Variants in ARK2C observed in about 807,000 individuals in gnomAD.
ARK2C encodes the protein E3 ubiquitin-protein ligase ARK2C.
At chr18:46,355,249 G>T in the ARK2C span, among the ~76,000 whole-genome samples, 1 of 152,010 alleles carries the variant, frequency 6.6e-6, no homozygotes, top group African/African-American at 2.4e-5. Flanking sequence ...CACCGGGCCC[G>T]GCCTGTTTTA....
chr18:46,450,689 T>C, the ARK2C span: 14 of 1,606,720 alleles, frequency 8.7e-6, no homozygotes, highest in Non-Finnish European at 1.2e-5. Flanking sequence ...CATGTGCACA[T>C]TTTTCTCTTT....
the ARK2C span, chr18:46,433,115 C>G: frequency 2.3e-5 from 27 of 1,184,370 alleles, no homozygotes; most frequent in Non-Finnish European, 3.0e-5. Context: ...CAGGCTGCCC[C>G]GGGTGGGCAC....
the ARK2C span, among the ~76,000 whole-genome samples, chr18:46,393,579 G>A: frequency 1.3e-5 from 2 of 152,096 alleles, no homozygotes; most frequent in Admixed American, 1.3e-4. Flanking sequence ...CCCTTATGCT[G>A]TTTAATCAGC....
chr18:46,357,953 C>T, the ARK2C span, among the ~76,000 whole-genome samples: 2 of 152,138 alleles, frequency 1.3e-5, no homozygotes, highest in African/African-American at 2.4e-5. Context: ...GGCTTGTAGC[C>T]GCATCACTCC....
At chr18:46,407,379 G>T in the ARK2C span, among the ~76,000 whole-genome samples, 1 of 152,000 alleles carries the variant, frequency 6.6e-6, no homozygotes, top group Non-Finnish European at 1.5e-5. Flanking sequence ...GCCCTTTCTT[G>T]CTTGCTCACA....
the ARK2C span, among the ~76,000 whole-genome samples, chr18:46,445,790 G>T: frequency 2.6e-5 from 4 of 152,154 alleles, no homozygotes; most frequent in African/African-American, 9.7e-5. Flanking sequence ...TGAAAACAGA[G>T]ATTTCATATA....
At chr18:46,356,550 G>A in the ARK2C span, among the ~76,000 whole-genome samples, 1 of 152,102 alleles carries the variant, frequency 6.6e-6, no homozygotes. Context: ...CTGTTGTCCT[G>A]GGCAGGCACG....
the ARK2C span, among the ~76,000 whole-genome samples, chr18:46,425,065 C>T: frequency 6.6e-6 from 1 of 152,214 alleles, no homozygotes; most frequent in Admixed American, 6.5e-5. Context: ...TCGGGCCTTC[C>T]CCTCCTTTCT....
chr18:46,339,984 G>C, the ARK2C span, among the ~76,000 whole-genome samples: 8 of 152,170 alleles, frequency 5.3e-5, no homozygotes, highest in Non-Finnish European at 8.8e-5. Context: ...CTGGATCCAA[G>C]GGCAGCAGGG....
chr18:46,435,726 G>A, the ARK2C span, among the ~76,000 whole-genome samples: 5 of 152,204 alleles, frequency 3.3e-5, no homozygotes, highest in African/African-American at 1.2e-4. Context: ...TCCCTGGGGG[G>A]AGAGCAGAAA....
At chr18:46,450,565 C>A in the ARK2C span, 1 of 811,108 alleles carries the variant, frequency 1.2e-6, no homozygotes, top group South Asian at 1.6e-5. Context: ...ATATTGCAGT[C>A]TTTCAGCATC....
the ARK2C span, among the ~76,000 whole-genome samples, chr18:46,412,815 A>T: frequency 6.6e-6 from 1 of 152,028 alleles, no homozygotes; most frequent in Admixed American, 6.6e-5. Context: ...TTCAGATGGC[A>T]CACCTGTGGG....
chr18:46,439,242 T>A, the ARK2C span, among the ~76,000 whole-genome samples: 1 of 152,204 alleles, frequency 6.6e-6, no homozygotes, highest in African/African-American at 2.4e-5. Flanking sequence ...TTGTTGGGTT[T>A]TTCCCTCAGA....
chr18:46,354,811 G>C, the ARK2C span, among the ~76,000 whole-genome samples: 4 of 152,128 alleles, frequency 2.6e-5, no homozygotes, highest in Non-Finnish European at 5.9e-5. Flanking sequence ...CATTCATTTT[G>C]TGTGTGCTCC....
chr18:46,436,233 C>A, the ARK2C span, among the ~76,000 whole-genome samples: 3 of 152,092 alleles, frequency 2.0e-5, no homozygotes, highest in Non-Finnish European at 2.9e-5. Context: ...TCTATCTAAT[C>A]TATCATCTAT....
chr18:46,383,727 T>C, the ARK2C span, among the ~76,000 whole-genome samples: 4 of 152,118 alleles, frequency 2.6e-5, no homozygotes, highest in African/African-American at 9.7e-5. Context: ...GCTAATTTTT[T>C]GTATTTTTAA....
chr18:46,447,673 A>T, the ARK2C span: 1 of 1,612,904 alleles, frequency 6.2e-7, no homozygotes, highest in South Asian at 1.1e-5. Flanking sequence ...TTTCCCAGAA[A>T]CTCCTCCTCC....
chr18:46,399,027 C>T, the ARK2C span, among the ~76,000 whole-genome samples: 2 of 152,084 alleles, frequency 1.3e-5, no homozygotes, highest in African/African-American at 2.4e-5. Context: ...CCACGACACC[C>T]GGGAGTCTGC....
At chr18:46,363,423 G>A in the ARK2C span, among the ~76,000 whole-genome samples, 1 of 152,212 alleles carries the variant, frequency 6.6e-6, no homozygotes, top group East Asian at 1.9e-4. Context: ...CAGTTCTCCG[G>A]CCATCAGGGG....
Sources: allele counts gnomAD v4.1 joint callset (sites outside exome capture counted in the v4.1 genomes callset), GRCh38; gene constraint gnomAD v4.1.1; transcripts MANE v1.5; gene names NCBI Gene and HGNC (gene_info 2026-07-23, HGNC 2026-07-21).